Variants in EXD1 observed in about 807,000 individuals in gnomAD.
The protein encoded by EXD1 is exonuclease 3'-5' domain containing 1.
Under a neutral mutation model 49.1 loss-of-function variants are expected in EXD1, and 63 were observed. That is an observed-to-expected ratio of 1.28 (90% CI 1.05 to 1.58). The LOEUF is 1.58. EXD1 is among the 40% of genes most tolerant of loss of function. The pLI is 0.00. For synonymous variants in EXD1, 234 were observed against 239.2 expected (o/e 0.98, Z 0.20); for missense variants, 748 against 666.0 (o/e 1.12, Z -1.36).
At chr15:41,222,100 G>A (rs8043237) in intron 2 of EXD1, among the ~76,000 whole-genome samples, 31,853 of 151,154 alleles carry the variant, frequency 0.21, 3,677 homozygotes, top group Non-Finnish European at 0.26. Context: ...ACTCCGTCTC[G>A]GAAAAAAAAA....
chr15:41,215,780 C>T lies in EXD1; in HGVS notation c.442G>A (p.Ala148Thr), dbSNP rs376055755. The T allele has an allele frequency of 1.9e-6, 3 of 1,613,914 alleles. No individual in the cohort carries two copies. The highest frequency in any genetic ancestry group is 2.2e-5 in the South Asian group (2 of 91,076). ...VINQFQQKFG[A>T]AILHIKKQNV... The stretch of plus-strand genomic sequence containing the variant: ...TGATTGAGGACAATACTTACCGCAG[C>T]ACCAAACTTCTGCTGGAATTGATTA... The change falls in exon 6 of 12, where the codon GCT (alanine) becomes ACT (threonine). Residue 148 changes from alanine (A) to threonine (T), a missense_variant. By Grantham distance (58) the Ala-to-Thr change is moderately conservative (BLOSUM62 0). Coordinates refer to ENST00000458580, the MANE Select transcript of EXD1 (RefSeq NM_001286441.2).
At chr15:41,225,360 G>A (rs574064939) in intron 2 of EXD1, among the ~76,000 whole-genome samples, 4 of 152,146 alleles carry the variant, frequency 2.6e-5, no homozygotes, top group Non-Finnish European at 4.4e-5. Context: ...CAAGGTGGGC[G>A]GATCAACTGA....
chr15:41,208,685 G>C (rs1303877645), intron 7 of EXD1, among the ~76,000 whole-genome samples: 1 of 152,024 alleles, frequency 6.6e-6, no homozygotes, highest in Non-Finnish European at 1.5e-5. Flanking sequence ...CCAGGAGGCG[G>C]AGGTTGCAGC....
intron 8 of EXD1, 21 bp from the exon 9 acceptor site, chr15:41,195,876 A>C: frequency 4.3e-6 from 7 of 1,612,054 alleles, no homozygotes; most frequent in Non-Finnish European, 5.9e-6. Context: ...AGAAGGAAAC[A>C]GTCATTAGAA....
At chr15:41,208,621 G>A (rs6492991) in intron 7 of EXD1, among the ~76,000 whole-genome samples, 78,214 of 151,480 alleles carry the variant, frequency 0.52, 22,272 homozygotes, top group African/African-American at 0.77. Context: ...GTGTGGTGGC[G>A]CATGCCTATA....
chr15:41,199,814 T>TAG (rs1566980907), intron 7 of EXD1, among the ~76,000 whole-genome samples: 1 of 6,374 alleles, frequency 1.6e-4, no homozygotes, highest in Non-Finnish European at 5.5e-3. Context: ...ATATATGTCA[T>TAG]ATATAGATAT....
At chr15:41,191,716 G>A in intron 9 of EXD1, 131 bp from the exon 10 acceptor site, 22 of 775,668 alleles carry the variant, frequency 2.8e-5, no homozygotes, top group South Asian at 1.2e-4. Context: ...CATGTCATCG[G>A]AAAATTTAAA....
intron 3 of EXD1, among the ~76,000 whole-genome samples, chr15:41,217,828 C>G (rs890258368): frequency 2.6e-5 from 4 of 152,320 alleles, no homozygotes; most frequent in African/African-American, 9.6e-5. Context: ...GCCACCACAT[C>G]TGGCCTCGTT....
At chr15:41,209,674 G>T in intron 6 of EXD1, 87 bp from the exon 7 acceptor site, 1 of 1,151,244 alleles carries the variant, frequency 8.7e-7, no homozygotes, top group Non-Finnish European at 1.3e-6. Context: ...ACAATGGTCA[G>T]CAGTAAACAA....
chr15:41,221,267 T>C (rs893735764), intron 2 of EXD1, among the ~76,000 whole-genome samples: 1 of 152,122 alleles, frequency 6.6e-6, no homozygotes, highest in Non-Finnish European at 1.5e-5. Flanking sequence ...GTGATTTTAA[T>C]ATGCTTTTTT....
chr15:41,215,698 A>G, intron 6 of EXD1, 77 bp downstream of exon 6: 2 of 1,444,780 alleles, frequency 1.4e-6, no homozygotes, highest in South Asian at 1.2e-5. Flanking sequence ...AAAAAAAAAG[A>G]AAGAAAGAAA....
At chr15:41,222,917 A>C (rs2140905441) in intron 2 of EXD1, among the ~76,000 whole-genome samples, 1 of 139,700 alleles carries the variant, frequency 7.2e-6, no homozygotes, top group South Asian at 2.4e-4. Context: ...GCGTGAGGAC[A>C]GACTGAGACT....
intron 7 of EXD1, among the ~76,000 whole-genome samples, chr15:41,205,231 C>T (rs888684700): frequency 6.6e-6 from 1 of 152,180 alleles, no homozygotes; most frequent in Non-Finnish European, 1.5e-5. Context: ...CTGCATCTTG[C>T]AGCTTCCAGG....
chr15:41,208,818 A>G (rs1310624033), intron 7 of EXD1, among the ~76,000 whole-genome samples: 1 of 152,050 alleles, frequency 6.6e-6, no homozygotes, highest in Non-Finnish European at 1.5e-5. Context: ...CAGGGAAACT[A>G]AAATGATGTG....
rs1410236453 is a variant in EXD1 at position 41,226,518 on chromosome 15, G to A, written c.58C>T (p.Leu20Phe). ...TCGAAGACACCACAGACCAATGTGAGTTTCACCCTCTTCCACAAAATCTGG... is the reference window on the plus strand; with the variant it reads ...TCGAAGACACCACAGACCAATGTGAATTTCACCCTCTTCCACAAAATCTGG... ...LSQILWKRVKLTLVCGVFEGV... is the reference protein window; with the variant it reads ...LSQILWKRVKFTLVCGVFEGV... The change falls in exon 2 of 12, where the codon CTC (leucine) becomes TTC (phenylalanine). Residue 20 changes from leucine (L) to phenylalanine (F), a missense_variant. Coordinates refer to ENST00000458580, the MANE Select transcript of EXD1 (RefSeq NM_001286441.2). 2.0e-6 allele frequency: 3 copies of A among 1,535,938 alleles called. No homozygotes were observed. The highest frequency in any genetic ancestry group is 2.4e-5 in the East Asian group (1 of 40,932).
chr15:41,222,356 A>G (rs540765374), intron 2 of EXD1, among the ~76,000 whole-genome samples: 1 of 150,774 alleles, frequency 6.6e-6, no homozygotes, highest in Admixed American at 6.6e-5. Flanking sequence ...CGGAGGTTGC[A>G]GTGAGTCGAG....
In EXD1 at chr15:41,217,152, C is replaced by T. The variant is rs1260204040; in HGVS notation, c.205G>A (p.Glu69Lys). ...LFFGHEIVNV[E>K]LLDEVEQGSV... ...CCTTGTTCCACTTCATCTAGTAGTT[C>T]CACTGTAAAATAACCAAATGGCTTC... The change falls in exon 4 of 12, where the codon GAA becomes AAA. Residue 69 changes from glutamate (E) to lysine (K), a missense_variant and splice_region_variant. Physicochemically the swap from Glu to Lys is moderately conservative, Grantham distance 56. Transcript: ENST00000458580. 3 of 1,611,788 alleles carry T rather than the reference C, an allele frequency of 1.9e-6. No individual in the cohort carries two copies. Among genetic ancestry groups the T allele is most frequent in the Non-Finnish European group, 2.5e-6 (3 of 1,179,774 alleles).
chr15:41,184,087 T>C lies in EXD1; in HGVS notation c.1563A>G (p.Lys521=), dbSNP rs2046364717. 3 of 1,614,078 alleles carry C rather than the reference T, an allele frequency of 1.9e-6. No individual in the cohort carries two copies. Among genetic ancestry groups the C allele is most frequent in the Non-Finnish European group, 1.7e-6 (2 of 1,180,036 alleles). ...GAAAGGAAGACATTGAAACAGCCTG[T>C]TTTGTGCATTTTAAATCTTCCTTGT... ...VENKEDLKCT[K]QAVSMSSFPQ... The change falls in exon 12 of 12, where the codon AAA becomes AAG. Residue 521 remains lysine (K), a synonymous_variant. Transcript: ENST00000458580.
intron 11 of EXD1, among the ~76,000 whole-genome samples, chr15:41,188,504 T>C (rs1157075081): frequency 1.3e-5 from 2 of 151,922 alleles, no homozygotes; most frequent in African/African-American, 4.8e-5. Flanking sequence ...ACGATTCTCC[T>C]GCCTCAGGCT....
Sources: gnomAD v4.1 joint callset for allele counts (sites outside exome capture counted in the v4.1 genomes callset) on GRCh38, gnomAD v4.1.1 for gene constraint, MANE v1.5 for transcripts, NCBI Gene and HGNC (gene_info 2026-07-23, HGNC 2026-07-21) for gene names.